The following USP34 variants were observed in gnomAD, a reference collection of about 807,000 sequenced individuals.
USP34 encodes ubiquitin specific peptidase 34, also known as ubiquitin carboxyl-terminal hydrolase 34.
In USP34, 70 loss-of-function variants were observed where a neutral mutation model predicts 460.3. That is an observed-to-expected ratio of 0.15 (90% CI 0.13 to 0.19). The LOEUF is 0.19. USP34 is among the 10% of genes least tolerant of loss of function. The pLI is 1.00. For synonymous variants in USP34, 1,647 were observed against 1,405.3 expected (o/e 1.17, Z -3.85); for missense variants, 3,985 against 4,236.2 (o/e 0.94, Z 1.65).
chr2:61,405,610 C>A, intron 3 of USP34, 98 bp downstream of exon 3: 1 of 1,113,412 alleles, frequency 9.0e-7, no homozygotes, highest in Non-Finnish European at 1.2e-6. Context: ...TAATGATTTT[C>A]CGCCAGCAGA....
intron 16 of USP34, among the ~76,000 whole-genome samples, chr2:61,340,920 T>C (rs1691578775): frequency 6.6e-6 from 1 of 151,756 alleles, no homozygotes; most frequent in East Asian, 1.9e-4. Context: ...CATAATTTTA[T>C]CGAAATACAT....
intron 10 of USP34, among the ~76,000 whole-genome samples, chr2:61,355,140 A>G (rs1162760199): frequency 6.6e-6 from 1 of 152,234 alleles, no homozygotes; most frequent in Non-Finnish European, 1.5e-5. Flanking sequence ...AACCCTTTTC[A>G]TGTCTTCAAA....
At chr2:61,421,658 T>A (rs182381831) in intron 1 of USP34, among the ~76,000 whole-genome samples, 1 of 152,226 alleles carries the variant, frequency 6.6e-6, no homozygotes, top group Non-Finnish European at 1.5e-5. Flanking sequence ...AAATCTTGCC[T>A]GGATCACTGT....
At position 61,228,707 on chromosome 2, in the gene USP34, G is replaced by T; in HGVS notation, c.7381C>A (p.Leu2461Ile). Residue 2461 changes from leucine (L) to isoleucine (I), a missense_variant, in exon 61 of 80, where the codon CTT becomes ATT. This residue lies in a region of USP34 where 604 missense variants were observed against 684.8 expected (regional missense o/e 0.88). Transcript: ENST00000398571. ...ATTGTAGATATAGCTTGCAATGAAA[G>T]CAAAAATTGGCTCTAAACAAACAAA... The part of the protein sequence containing the change: ...KMGEEESQFL[L>I]SLQAISTMVH... 1 of 1,609,802 alleles carries T rather than the reference G, an allele frequency of 6.2e-7. No individual in the cohort carries two copies. The highest frequency in any genetic ancestry group is 8.5e-7 in the Non-Finnish European group (1 of 1,178,628).
At chr2:61,407,921 C>T (rs989178305) in intron 2 of USP34, among the ~76,000 whole-genome samples, 2 of 152,092 alleles carry the variant, frequency 1.3e-5, no homozygotes, top group South Asian at 4.1e-4. Context: ...TCGAGATCAG[C>T]CTGGTCAACA....
intron 1 of USP34, among the ~76,000 whole-genome samples, chr2:61,462,221 C>G (rs916036997): frequency 1.6e-5 from 2 of 127,728 alleles, no homozygotes; most frequent in African/African-American, 6.0e-5. Flanking sequence ...CCTGGGGCAA[C>G]AGAACAAGAC....
At chr2:61,330,421 A>C (rs1023381114) in intron 20 of USP34, among the ~76,000 whole-genome samples, 1 of 152,218 alleles carries the variant, frequency 6.6e-6, no homozygotes, top group Non-Finnish European at 1.5e-5. Flanking sequence ...CAGTAAAAAT[A>C]AAATCTAGAG....
intron 41 of USP34, among the ~76,000 whole-genome samples, chr2:61,274,673 G>C (rs1322849914): frequency 2.0e-5 from 3 of 152,150 alleles, no homozygotes; most frequent in Non-Finnish European, 4.4e-5. Context: ...GCACCTATCA[G>C]ACTGGTAGAA....
chr2:61,400,464 GA>G (rs1693682102), intron 3 of USP34, among the ~76,000 whole-genome samples: 2 of 152,152 alleles, frequency 1.3e-5, no homozygotes, highest in Non-Finnish European at 2.9e-5. Flanking sequence ...ATCAAACCAT[GA>G]AGAACTCAAT....
intron 7 of USP34, among the ~76,000 whole-genome samples, chr2:61,378,961 T>C (rs75467370): frequency 0.014 from 1,117 of 81,236 alleles, 22 homozygotes; most frequent in African/African-American, 0.052. Context: ...ATTCCACAAA[T>C]AGTATTCTTT....
At chr2:61,448,329 C>T (rs1695176940) in intron 1 of USP34, among the ~76,000 whole-genome samples, 1 of 152,138 alleles carries the variant, frequency 6.6e-6, no homozygotes, top group Non-Finnish European at 1.5e-5. Flanking sequence ...AAAATTTAGC[C>T]TGGTGTGGTG....
intron 49 of USP34, 41 bp downstream of exon 49, chr2:61,248,470 T>C (rs1688482873): frequency 6.7e-7 from 1 of 1,502,628 alleles, no homozygotes; most frequent in African/African-American, 1.4e-5. Context: ...TTATGGAGAT[T>C]GACAATAATC....
chr2:61,246,326 T>A lies in USP34; in HGVS notation c.6546A>T (p.Lys2182Asn). ...IVNPHAYKNNKWYLFNDAEVK... is the reference protein window; with the variant it reads ...IVNPHAYKNNNWYLFNDAEVK... ...GTTTTGAAATATTTAAAACTCACCATTTATTGTTTTTATAAGCATGGGGAT... is the reference window on the plus strand; with the variant it reads ...GTTTTGAAATATTTAAAACTCACCAATTATTGTTTTTATAAGCATGGGGAT... The change falls in exon 50 of 80, where the codon AAA (lysine) becomes AAT (asparagine). Residue 2182 changes from lysine to asparagine, a missense_variant and splice_region_variant. Around this residue, in one of 14 missense-constraint regions of USP34, gnomAD observed 70 missense variants for 78.1 expected, o/e 0.90. Transcript: ENST00000398571. 6.5e-7 allele frequency: 1 copy of A among 1,547,168 alleles called. No individual in the cohort carries two copies. Among genetic ancestry groups the A allele is most frequent in the South Asian group, 1.3e-5 (1 of 79,162 alleles).
At chr2:61,264,932 T>C (rs1270673227) in intron 43 of USP34, among the ~76,000 whole-genome samples, 2 of 152,130 alleles carry the variant, frequency 1.3e-5, no homozygotes, top group Non-Finnish European at 2.9e-5. Flanking sequence ...AAAAATAACA[T>C]GAAGCAGAGC....
intron 1 of USP34, among the ~76,000 whole-genome samples, chr2:61,463,506 T>C (rs1038474218): frequency 2.6e-5 from 4 of 152,102 alleles, no homozygotes; most frequent in African/African-American, 9.7e-5. Flanking sequence ...GTGATTCAGA[T>C]AGATCATCAT....
At chr2:61,223,908 T>A (rs1285407990) in intron 62 of USP34, among the ~76,000 whole-genome samples, 1 of 152,166 alleles carries the variant, frequency 6.6e-6, no homozygotes. Context: ...CAGCTTCAAA[T>A]TTACCAAAAT....
intron 10 of USP34, among the ~76,000 whole-genome samples, chr2:61,356,475 G>GCGCGCACACA (rs369666693): frequency 7.0e-5 from 9 of 128,424 alleles, no homozygotes; most frequent in East Asian, 6.3e-4. Flanking sequence ...GGGTGAAAGC[G>GCGCGCACACA]CACACACACA....
intron 69 of USP34, among the ~76,000 whole-genome samples, chr2:61,210,615 T>A (rs1687247577): frequency 1.3e-5 from 2 of 152,236 alleles, no homozygotes; most frequent in Admixed American, 1.3e-4. Context: ...TGTTAACAGG[T>A]CTTCTTTCAT....
In USP34 at chr2:61,281,188, G is replaced by A; in HGVS notation, c.5053C>T (p.Leu1685=). The A allele has an allele frequency of 2.5e-6, 4 of 1,614,094 alleles. No homozygotes were observed. Among genetic ancestry groups the A allele is most frequent in the Non-Finnish European group, 3.4e-6 (4 of 1,179,964 alleles). The change falls in exon 38 of 80, where the codon CTG becomes TTG. Residue 1685 remains leucine, a synonymous_variant. Coordinates refer to ENST00000398571, the MANE Select transcript of USP34 (RefSeq NM_014709.4). ...CGATTGATTGAGTCTCCTCCATCCA[G>A]CCCTGACAGGGATAACTTATAGAGA... The part of the protein sequence containing the change: ...SGLYKLSLSG[L]DGGDSINRSF...
Sources: allele counts gnomAD v4.1 joint callset (sites outside exome capture counted in the v4.1 genomes callset), GRCh38; gene constraint gnomAD v4.1.1; regional missense constraint gnomAD v4.1.1; transcripts MANE v1.5; gene names NCBI Gene and HGNC (gene_info 2026-07-23, HGNC 2026-07-21).